The following CDH4 variants were observed in gnomAD, a reference collection of about 807,000 sequenced individuals.
CDH4 encodes the protein cadherin-4.
Under a neutral mutation model 86.0 loss-of-function variants are expected in CDH4, and 33 were observed. That is an observed-to-expected ratio of 0.38 (90% CI 0.29 to 0.51). The LOEUF is 0.51. Ranked by LOEUF, CDH4 falls within the 20% of genes least tolerant of loss-of-function variation. The probability of loss-of-function intolerance (pLI) is 0.86; values close to 1 mark genes in which losing one functional copy is unlikely to be tolerated. For missense variants in CDH4, 1,114 were observed against 1,307.4 expected (o/e 0.85, Z 2.28); for synonymous variants, 555 against 549.4 (o/e 1.01, Z -0.14).
intron 2 of CDH4, among the ~76,000 whole-genome samples, chr20:61,314,251 C>A (rs2084464140): frequency 6.6e-6 from 1 of 152,182 alleles, no homozygotes; most frequent in African/African-American, 2.4e-5. Context: ...AAACTTTGTC[C>A]CCTTTGACCA....
chr20:61,829,686 G>A lies in CDH4; in HGVS notation c.577-14982G>A, dbSNP rs1981502047. On this transcript the variant is annotated intron_variant, in intron 4 of 15. Coordinates refer to ENST00000614565, the MANE Select transcript of CDH4 (RefSeq NM_001794.5). The surrounding 1 kb of genome is among the most constrained non-coding windows in gnomAD (Gnocchi z 4.2). ...CACTGGGGACGGACTTGGACTCCAGGAGCCCCCAGGAGGCTCCCTCTGTGC... is the reference window on the plus strand; with the variant it reads ...CACTGGGGACGGACTTGGACTCCAGAAGCCCCCAGGAGGCTCCCTCTGTGC... Among the ~76,000 whole-genome samples, 1 of 152,178 alleles carries A rather than the reference G, an allele frequency of 6.6e-6. No homozygotes were observed. Among genetic ancestry groups the A allele is most frequent in the Non-Finnish European group, 1.5e-5 (1 of 68,012 alleles).
chr20:61,656,262 C>T (rs1220331487), intron 2 of CDH4, among the ~76,000 whole-genome samples: 3 of 119,150 alleles, frequency 2.5e-5, no homozygotes, highest in Non-Finnish European at 5.1e-5. Flanking sequence ...CTGGGGTGGG[C>T]AGGCGCGTGC....
chr20:61,362,916 G>A (rs1400710844), intron 2 of CDH4, among the ~76,000 whole-genome samples: 1 of 152,192 alleles, frequency 6.6e-6, no homozygotes, highest in Non-Finnish European at 1.5e-5. Context: ...TTTCAAGAAT[G>A]TGAACAGGTG....
chr20:61,762,282 G>A (rs890360309), intron 3 of CDH4, among the ~76,000 whole-genome samples: 3 of 152,184 alleles, frequency 2.0e-5, no homozygotes, highest in African/African-American at 7.2e-5. Flanking sequence ...TATGCCTGAC[G>A]TGACCACACA....
At chr20:61,280,216 A>C (rs1269213321) in intron 2 of CDH4, among the ~76,000 whole-genome samples, 1 of 152,154 alleles carries the variant, frequency 6.6e-6, no homozygotes, top group Non-Finnish European at 1.5e-5. Flanking sequence ...ATTCAGGGCC[A>C]GGGTACACAT....
At chr20:61,634,704 G>T (rs536375914) in intron 2 of CDH4, among the ~76,000 whole-genome samples, 15 of 152,206 alleles carry the variant, frequency 9.9e-5, no homozygotes, top group African/African-American at 3.4e-4. Context: ...ACTTTGAAGC[G>T]CAGAGCTCTG....
At chr20:61,793,794 A>C (rs6142684) in intron 4 of CDH4, among the ~76,000 whole-genome samples, 2 of 146,470 alleles carry the variant, frequency 1.4e-5, no homozygotes, top group South Asian at 2.2e-4. Flanking sequence ...AGCCGAGATC[A>C]CGCCACTGCA....
chr20:61,853,136 G>A (rs547124881), intron 6 of CDH4, among the ~76,000 whole-genome samples: 7 of 152,294 alleles, frequency 4.6e-5, no homozygotes, highest in South Asian at 2.1e-4. Context: ...GGGCCAACGG[G>A]CTGGGAAGAA....
intron 6 of CDH4, among the ~76,000 whole-genome samples, chr20:61,858,374 T>C (rs1568853259): frequency 6.6e-6 from 1 of 151,952 alleles, no homozygotes. Flanking sequence ...TGTCTCTGTG[T>C]CTGTATGTGT....
At chr20:61,526,474 G>A (rs2085911115) in intron 2 of CDH4, among the ~76,000 whole-genome samples, 1 of 151,690 alleles carries the variant, frequency 6.6e-6, no homozygotes, top group African/African-American at 2.4e-5. Context: ...CCACATCCCT[G>A]GCTTGTTTTT....
Position 61,377,149 on chromosome 20 carries a change from G to A in CDH4, c.169+122212G>A, listed in dbSNP as rs2084876909. 6.6e-6 allele frequency among the ~76,000 whole-genome samples: 1 copy of A among 152,174 alleles called. No individual in the cohort carries two copies. Among genetic ancestry groups the A allele is most frequent in the African/African-American group, 2.4e-5 (1 of 41,452 alleles). On this transcript the variant is annotated intron_variant, in intron 2 of 15. Transcript: ENST00000614565. The surrounding 1 kb of genome is among the most constrained non-coding windows in gnomAD (Gnocchi z 4.0). ...AAGGGACAGCCAAGTGACATATTCTGCAAGCAGGGCTCGGCAATTATTGAA... is the reference window on the plus strand; with the variant it reads ...AAGGGACAGCCAAGTGACATATTCTACAAGCAGGGCTCGGCAATTATTGAA...
intron 2 of CDH4, among the ~76,000 whole-genome samples, chr20:61,388,053 A>G (rs4925253): frequency 0.17 from 26,554 of 152,260 alleles, 3,046 homozygotes; most frequent in East Asian, 0.41. Flanking sequence ...TTCAATGTTG[A>G]TAAGATTTAT....
chr20:61,652,945 T>TTA (rs1568735067), intron 2 of CDH4, among the ~76,000 whole-genome samples: 41 of 122,760 alleles, frequency 3.3e-4, no homozygotes, highest in African/African-American at 9.6e-4. Context: ...TTTATTTTTT[T>TTA]TTTTTTTTTT....
chr20:61,680,177 C>T (rs1216333879), intron 2 of CDH4, among the ~76,000 whole-genome samples: 1 of 152,200 alleles, frequency 6.6e-6, no homozygotes, highest in Non-Finnish European at 1.5e-5. Context: ...CCAGGGGCTC[C>T]ACCATAGCCC....
At chr20:61,866,766 T>G (rs1358906434) in intron 6 of CDH4, among the ~76,000 whole-genome samples, 3 of 152,208 alleles carry the variant, frequency 2.0e-5, no homozygotes, top group Non-Finnish European at 4.4e-5. Flanking sequence ...GTTTTATTTC[T>G]GCATCCAGAA....
At chr20:61,278,635 TG>T (rs1277071804) in intron 2 of CDH4, among the ~76,000 whole-genome samples, 1 of 152,214 alleles carries the variant, frequency 6.6e-6, no homozygotes, top group Non-Finnish European at 1.5e-5. Flanking sequence ...CTACAATAAT[TG>T]TTCTGAGAAT....
rs1373667931 is a variant in CDH4, at chr20:61,447,039, T to C, written c.169+192102T>C. Among the ~76,000 whole-genome samples the C allele has an allele frequency of 3.9e-5, 6 of 152,352 alleles. No homozygotes were observed. The East Asian group carries it at 1.2e-3, about 29-fold the overall frequency. On this transcript the variant is annotated intron_variant, in intron 2 of 15. Coordinates refer to ENST00000614565, the MANE Select transcript of CDH4 (RefSeq NM_001794.5). ...CCTCTGGAGTACATATCTTTTCCAG[T>C]ATGATTTGGAGGAATTCTTTGTATA...
chr20:61,312,112 G>C (rs1051372224), intron 2 of CDH4, among the ~76,000 whole-genome samples: 2 of 32,588 alleles, frequency 6.1e-5, no homozygotes, highest in African/African-American at 1.6e-4. Context: ...GTGATGTGTG[G>C]TGTGTGCATG....
intron 2 of CDH4, among the ~76,000 whole-genome samples, chr20:61,452,670 G>A (rs1412074061): frequency 2.0e-5 from 3 of 152,200 alleles, no homozygotes; most frequent in African/African-American, 7.2e-5. Context: ...CAGAAGTAAG[G>A]CAGGGAAAGC....
Sources: gnomAD v4.1 joint callset for allele counts (sites outside exome capture counted in the v4.1 genomes callset) on GRCh38, gnomAD v4.1.1 for gene constraint, Gnocchi (gnomAD v3.1) non-coding constraint, MANE v1.5 for transcripts, NCBI Gene and HGNC (gene_info 2026-07-23, HGNC 2026-07-21) for gene names.